The following IGSF9 variants were observed in gnomAD, a reference collection of about 807,000 sequenced individuals.
IGSF9 encodes the protein protein turtle homolog A.
In IGSF9, 87 loss-of-function variants were observed where a neutral mutation model predicts 121.7. The observed-to-expected ratio is 0.71, with a 90% CI of 0.60 to 0.85. IGSF9 has a LOEUF of 0.85. Ranked by LOEUF, IGSF9 falls within the 40% of genes least tolerant of loss-of-function variation. The probability of loss-of-function intolerance (pLI) is 0.00; values close to 1 mark genes in which losing one functional copy is unlikely to be tolerated. For missense variants in IGSF9, 1,462 were observed against 1,565.3 expected (o/e 0.93, Z 1.11); for synonymous variants, 640 against 648.4 (o/e 0.99, Z 0.20).
chr1:159,931,379 T>C lies in IGSF9; in HGVS notation c.1513+74A>G, dbSNP rs549685281. ...CATCCCAGGGGTCCCACACCCATGATCCTCTTTCTGGGCCTCCAAAAACGA... is the reference window on the plus strand; with the variant it reads ...CATCCCAGGGGTCCCACACCCATGACCCTCTTTCTGGGCCTCCAAAAACGA... On this transcript the variant is annotated intron_variant, in intron 12 of 20. Transcript: ENST00000368094. The surrounding 1 kb of genome is among the most constrained non-coding windows in gnomAD (Gnocchi z 4.8). 1.2e-5 allele frequency: 19 copies of C among 1,597,418 alleles called. No homozygotes were observed. In the East Asian group the frequency reaches 3.4e-4, roughly 28 times the overall value.
chr1:159,931,012 G>A lies in IGSF9; in HGVS notation c.1637+126C>T. ...TGAATGCCTCAGAATCTGGAAACAG[G>A]GAAGCAGAGCCAGGACTGGTGAGGG... is the stretch of plus-strand genomic sequence containing the variant. On this transcript the variant is annotated intron_variant, in intron 13 of 20. Coordinates refer to ENST00000368094, the MANE Select transcript of IGSF9 (RefSeq NM_001135050.2). This position sits in a 1 kb window ranked among gnomAD's most constrained non-coding sequence, Gnocchi z 4.8. 6.8e-7 allele frequency: 1 copy of A among 1,479,886 alleles called. No homozygotes were observed. Among genetic ancestry groups the A allele is most frequent in the Non-Finnish European group, 9.2e-7 (1 of 1,090,652 alleles). 91.7% of individuals were successfully genotyped at this position (1,479,886 alleles called of 1,614,324 possible). A position where few individuals can be genotyped will look rare whatever the true frequency, so the allele number is the denominator to read the frequency against.
rs1311152194 is a variant in IGSF9, at chr1:159,929,778, C to T, written c.2186G>A (p.Gly729Asp). ...EVYPSRTQLPGLLPQPVLAGV... is the reference protein window; with the variant it reads ...EVYPSRTQLPDLLPQPVLAGV... The stretch of plus-strand genomic sequence containing the variant: ...GGCCAGCACGGGCTGAGGCAGGAGG[C>T]CCGGCAGCTGCGTGCGCGAAGGGTA... Residue 729 changes from glycine to aspartate, a missense_variant, in exon 17 of 21, where the codon GGC (glycine) becomes GAC (aspartate). By Grantham distance (94) the Gly-to-Asp change is moderately conservative. Around this residue, in one of 3 missense-constraint regions of IGSF9, gnomAD observed 808 missense variants for 815.2 expected, o/e 0.99. Coordinates refer to ENST00000368094, the MANE Select transcript of IGSF9 (RefSeq NM_001135050.2). The T allele has an allele frequency of 1.9e-6, 3 of 1,606,476 alleles. No individual in the cohort carries two copies. The highest frequency in any genetic ancestry group is 1.7e-5 in the Admixed American group (1 of 59,258).
At chr1:159,938,642 C>T (rs962850440) in intron 3 of IGSF9, among the ~76,000 whole-genome samples, 4 of 152,162 alleles carry the variant, frequency 2.6e-5, no homozygotes, top group African/African-American at 9.7e-5. Context: ...GGCAGTGTAG[C>T]CTCGTGATAC....
chr1:159,928,922 A>G lies in IGSF9; in HGVS notation c.2466T>C (p.Asp822=). 1 of 1,584,806 alleles carries G rather than the reference A, an allele frequency of 6.3e-7. No individual in the cohort carries two copies. Residue 822 remains aspartate, a synonymous_variant, in exon 19 of 21, where the codon GAT becomes GAC. Transcript: ENST00000368094. ...GGTGGGGGCTGGGAGTTCCGGCAGG[A>G]TCCCCCCAGAGCAGACTCTGGCGCA... The part of the protein sequence containing the change: ...PSLRQSLLWG[D]PAGTPSPHPD...
chr1:159,939,643 G>C (rs1651312657), intron 3 of IGSF9, among the ~76,000 whole-genome samples: 2 of 152,176 alleles, frequency 1.3e-5, no homozygotes, highest in South Asian at 4.1e-4. Flanking sequence ...AGCCCCTCCA[G>C]TTTGCTTCCA....
At position 159,927,315 on chromosome 1, in the gene IGSF9, T is replaced by C. The variant is rs1342703213; in HGVS notation, c.*30A>G. The C allele has an allele frequency of 6.2e-7, 1 of 1,612,264 alleles. No homozygotes were observed. Among genetic ancestry groups the C allele is most frequent in the South Asian group, 1.1e-5 (1 of 91,014 alleles). Reference sequence around the variant, plus strand: ...TGGGGGCCTCCTTTGCAGGTCCATATGCCTTTTCACAGCCTCACATCAGGG... The same window carrying C: ...TGGGGGCCTCCTTTGCAGGTCCATACGCCTTTTCACAGCCTCACATCAGGG... On this transcript the variant is annotated 3_prime_UTR_variant, in exon 21 of 21. Coordinates refer to ENST00000368094, the MANE Select transcript of IGSF9 (RefSeq NM_001135050.2).
Position 159,927,913 on chromosome 1 carries a change from CAT to C in IGSF9, c.3231-28_3231-27del. On this transcript the variant is annotated intron_variant, in intron 19 of 20. Coordinates refer to ENST00000368094, the MANE Select transcript of IGSF9 (RefSeq NM_001135050.2). ...CTGTAAAAAAAAAAAAAAAGACAAACATATGGTGTGGGTGGAGGAATAGAGGC... is the reference window on the plus strand; with the variant it reads ...CTGTAAAAAAAAAAAAAAAGACAAACATGGTGTGGGTGGAGGAATAGAGGC... 3.1e-6 allele frequency: 5 copies of C among 1,599,050 alleles called. No individual in the cohort carries two copies. The South Asian group carries it at 5.6e-5, about 18-fold the overall frequency.
Position 159,930,846 on chromosome 1 carries a change from CATT to C in IGSF9, c.1656_1658del (p.Met553del). 6.2e-7 allele frequency: 1 copy of C among 1,610,828 alleles called. No homozygotes were observed. On this transcript the variant is annotated inframe_deletion, in exon 14 of 21. Transcript: ENST00000368094. ...CTGCCAAGGACACCCAGTCATGGTG[CATT>C]CGGTCAGGACGCTTGGCCCTGGGAG...
intron 1 of IGSF9, among the ~76,000 whole-genome samples, chr1:159,944,118 G>T (rs1651507106): frequency 6.6e-6 from 1 of 152,216 alleles, no homozygotes; most frequent in East Asian, 1.9e-4. Context: ...ACAAATAAGG[G>T]CCCTGAGGAT....
chr1:159,937,133 G>A (rs943433028), intron 4 of IGSF9, among the ~76,000 whole-genome samples: 1 of 152,200 alleles, frequency 6.6e-6, no homozygotes, highest in Non-Finnish European at 1.5e-5. Flanking sequence ...CAGGTTGGAT[G>A]TCCAGAGCCT....
At position 159,928,719 on chromosome 1, in the gene IGSF9, CT is replaced by C; in HGVS notation, c.2668del (p.Ser890AlafsTer38). The C allele has an allele frequency of 6.8e-7, 1 of 1,475,934 alleles. No homozygotes were observed. The highest frequency in any genetic ancestry group is 9.0e-7 in the Non-Finnish European group (1 of 1,111,632). 91.4% of individuals were successfully genotyped at this position (1,475,934 alleles called of 1,614,324 possible). ...GAGGGGCTGGGGTGCCCCACTGGGGCTGCTGCTGCTACAGTCAAAGGACCGG... is the reference window on the plus strand; with the variant it reads ...GAGGGGCTGGGGTGCCCCACTGGGGCGCTGCTGCTACAGTCAAAGGACCGG... ...LARSFDCSSS[S>X]PSGAPQPLCI... On this transcript the variant is annotated frameshift_variant, in exon 19 of 21. Transcript: ENST00000368094. LOFTEE classifies it high-confidence loss of function.
chr1:159,932,648 G>C lies in IGSF9; in HGVS notation c.1109C>G (p.Pro370Arg). The C allele has an allele frequency of 6.2e-7, 1 of 1,611,170 alleles. No homozygotes were observed. The highest frequency in any genetic ancestry group is 8.5e-7 in the Non-Finnish European group (1 of 1,178,062). Residue 370 changes from proline to arginine, a missense_variant, in exon 10 of 21, where the codon CCT becomes CGT. Pro to Arg is a moderately radical substitution (Grantham distance 103). Transcript: ENST00000368094. The surrounding 1 kb of genome is among the most constrained non-coding windows in gnomAD (Gnocchi z 4.1). ...DGKALQLDKF[P>R]GWSQGTEGSL... ...GCCTTCTGTGCCCTGGGACCAGCCA[G>C]GGAACTGGAAGGAAGAGAAGATGAC...
Position 159,934,032 on chromosome 1 carries a change from T to G in IGSF9, c.1104+158A>C, listed in dbSNP as rs957650530. ...GAAATTTTTCCTCAGGGGTTTTAAG[T>G]AGTTTCCTATGCAACATGTCTTATA... On this transcript the variant is annotated intron_variant, in intron 9 of 20. Transcript: ENST00000368094. 9.3e-6 allele frequency: 8 copies of G among 858,234 alleles called. No individual in the cohort carries two copies. In the African/African-American group the frequency reaches 1.4e-4, roughly 15 times the overall value. The allele number at this position is 858,234 out of a possible 1,614,324, so 53.2% of individuals were successfully genotyped here. A position where few individuals can be genotyped will look rare whatever the true frequency, so the allele number is the denominator to read the frequency against.
At chr1:159,945,075 C>T (rs142959749) in intron 1 of IGSF9, among the ~76,000 whole-genome samples, 112 of 152,100 alleles carry the variant, frequency 7.4e-4, no homozygotes, top group Admixed American at 6.4e-3. Flanking sequence ...CTCGTCCTCC[C>T]ATTACTCCCT....
intron 9 of IGSF9, chr1:159,933,774 C>T (rs1651083826): frequency 8.2e-6 from 2 of 242,622 alleles, no homozygotes; most frequent in Non-Finnish European, 1.6e-5. Flanking sequence ...TGTTGCTGTC[C>T]TCTGCCCAGA....
intron 3 of IGSF9, 107 bp downstream of exon 3, chr1:159,942,856 G>A (rs1651436209): frequency 1.2e-6 from 1 of 840,588 alleles, no homozygotes; most frequent in African/African-American, 1.7e-5. Context: ...AGCTGGAGAT[G>A]AGATCAGAGC....
chr1:159,934,541 A>G lies in IGSF9; in HGVS notation c.845T>C (p.Val282Ala), dbSNP rs1248728387. The G allele has an allele frequency of 6.2e-7, 1 of 1,613,906 alleles. No individual in the cohort carries two copies. Among genetic ancestry groups the G allele is most frequent in the East Asian group, 2.2e-5 (1 of 44,878 alleles). The change falls in exon 8 of 21, where the codon GTG (valine) becomes GCG (alanine). Residue 282 changes from valine (V) to alanine (A), a missense_variant. Val to Ala is a moderately conservative substitution (Grantham distance 64, BLOSUM62 0). This residue lies in a region of IGSF9 where 558 missense variants were observed against 599.4 expected (regional missense o/e 0.93). Transcript: ENST00000368094. ...SRLQPRVRIL[V>A]DGSLRLLATQ... ...GGCCAGCAGCCGCAGGCTCCCGTCC[A>G]CCAGGATCCGCACCCGGGGCTGCAG... is the stretch of plus-strand genomic sequence containing the variant.
chr1:159,930,493 G>A, intron 14 of IGSF9, 54 bp from the exon 15 acceptor site: 2 of 1,517,844 alleles, frequency 1.3e-6, no homozygotes, highest in Non-Finnish European at 8.8e-7. Context: ...CCCCTCCCCT[G>A]GCCTTCCACA....
chr1:159,933,187 C>T (rs1651059516), intron 9 of IGSF9: 1 of 153,248 alleles, frequency 6.5e-6, no homozygotes, highest in Non-Finnish European at 1.5e-5. Flanking sequence ...CCATAACTCT[C>T]ACCTGGGCCA....
Sources: allele counts gnomAD v4.1 joint callset (sites outside exome capture counted in the v4.1 genomes callset), GRCh38; gene constraint gnomAD v4.1.1; regional missense constraint gnomAD v4.1.1; non-coding constraint Gnocchi (gnomAD v3.1); transcripts MANE v1.5; gene names NCBI Gene and HGNC (gene_info 2026-07-23, HGNC 2026-07-21).